FGD5: variants seen among roughly 807,000 people sequenced by gnomAD.
FGD5 encodes the protein FYVE, RhoGEF and PH domain containing 5, also known as FYVE, RhoGEF and PH domain-containing protein 5.
FGD5 carries 28 observed loss-of-function variants against 133.4 expected under a neutral mutation model. The observed-to-expected ratio is 0.21, with a 90% CI of 0.16 to 0.29. FGD5 has a LOEUF of 0.29. FGD5 is among the 10% of genes least tolerant of loss of function. The pLI is 1.00. For synonymous variants in FGD5, 810 were observed against 776.5 expected (o/e 1.04, Z -0.72); for missense variants, 1,858 against 1,895.2 (o/e 0.98, Z 0.36).
intron 1 of FGD5, among the ~76,000 whole-genome samples, chr3:14,822,113 A>C (rs1010845374): frequency 6.6e-6 from 1 of 152,154 alleles, no homozygotes; most frequent in Non-Finnish European, 1.5e-5. Flanking sequence ...AAATAAAAAA[A>C]AAAGAAAAGA....
At chr3:14,908,926 A>G (rs1430032670) in intron 10 of FGD5, among the ~76,000 whole-genome samples, 2 of 120,084 alleles carry the variant, frequency 1.7e-5, no homozygotes, top group African/African-American at 5.7e-5. Context: ...AAGGGAATTT[A>G]TTTATTTATT....
intron 1 of FGD5, among the ~76,000 whole-genome samples, chr3:14,841,762 C>T (rs2036925948): frequency 6.6e-6 from 1 of 152,030 alleles, no homozygotes; most frequent in South Asian, 2.1e-4. Flanking sequence ...GTGGGGGGTT[C>T]CTGCCCCCAG....
chr3:14,826,376 T>G (rs1318963981), intron 1 of FGD5, among the ~76,000 whole-genome samples: 1 of 152,148 alleles, frequency 6.6e-6, no homozygotes, highest in Non-Finnish European at 1.5e-5. Flanking sequence ...ACATTTATGG[T>G]AGCTTTTTCT....
chr3:14,810,887 G>A (rs1330638965), intron 1 of FGD5: 2 of 985,070 alleles, frequency 2.0e-6, no homozygotes, highest in Non-Finnish European at 2.4e-6. Context: ...GGCGACCTCC[G>A]GCGCCGAGGC....
At chr3:14,916,139 CA>C (rs1226292629) in intron 11 of FGD5, among the ~76,000 whole-genome samples, 11 of 152,234 alleles carry the variant, frequency 7.2e-5, no homozygotes, top group African/African-American at 2.7e-4. Flanking sequence ...GGGCTCACCC[CA>C]GGTTAATGTT....
At chr3:14,814,697 A>G (rs974402903), upstream of FGD5, among the ~76,000 whole-genome samples, 2 of 152,164 alleles carry the variant, frequency 1.3e-5, no homozygotes, top group South Asian at 2.1e-4. Flanking sequence ...TTCAGAAGCC[A>G]GAGCCTGCTT....
chr3:14,905,157 G>A (rs2038315259), intron 9 of FGD5, among the ~76,000 whole-genome samples: 1 of 151,954 alleles, frequency 6.6e-6, no homozygotes, highest in African/African-American at 2.4e-5. Flanking sequence ...ATTTTTCCTG[G>A]GTGTAGAAAC....
At chr3:14,889,390 T>C (rs1208294652) in intron 4 of FGD5, among the ~76,000 whole-genome samples, 2 of 152,226 alleles carry the variant, frequency 1.3e-5, no homozygotes, top group Non-Finnish European at 2.9e-5. Flanking sequence ...CTCAACAGTC[T>C]GTGAGATTTA....
At chr3:14,833,666 G>A (rs2036760978) in intron 1 of FGD5, among the ~76,000 whole-genome samples, 1 of 152,132 alleles carries the variant, frequency 6.6e-6, no homozygotes, top group Admixed American at 6.5e-5. Flanking sequence ...TCCCTGAAGG[G>A]TTTCCAGACC....
intron 4 of FGD5, chr3:14,896,828 A>G (rs1438547069): frequency 6.6e-6 from 1 of 152,296 alleles, no homozygotes; most frequent in East Asian, 1.9e-4. Context: ...TACATTAATC[A>G]TGATAGATTT....
intron 18 of FGD5, among the ~76,000 whole-genome samples, chr3:14,928,728 G>A (rs930358487): frequency 1.2e-4 from 19 of 152,148 alleles, no homozygotes; most frequent in African/African-American, 4.1e-4. Flanking sequence ...CTGGGCAACA[G>A]AGCAAGACTG....
chr3:14,870,662 C>T (rs1656441), intron 2 of FGD5, among the ~76,000 whole-genome samples: 21,888 of 152,178 alleles, frequency 0.14, 1,907 homozygotes, highest in East Asian at 0.39. Flanking sequence ...GCCGGCAGCC[C>T]GTTCCAGCCA....
chr3:14,844,948 C>A (rs779605975), intron 1 of FGD5, among the ~76,000 whole-genome samples: 1 of 152,158 alleles, frequency 6.6e-6, no homozygotes, highest in Non-Finnish European at 1.5e-5. Flanking sequence ...GTCCCGTTAC[C>A]TTCTAAGGTG....
At chr3:14,858,547 A>G (rs1463296741) in intron 1 of FGD5, among the ~76,000 whole-genome samples, 2 of 152,196 alleles carry the variant, frequency 1.3e-5, no homozygotes, top group African/African-American at 4.8e-5. Flanking sequence ...TTTTTACTAG[A>G]GAGACTATAG....
At chr3:14,923,933 C>T in intron 16 of FGD5, 75 bp from the exon 17 acceptor site, 1 of 1,564,510 alleles carries the variant, frequency 6.4e-7, no homozygotes, top group East Asian at 2.3e-5. Context: ...AGGGATTTTA[C>T]AGGAATCAGT....
chr3:14,867,023 C>T (rs1173159383), intron 2 of FGD5, among the ~76,000 whole-genome samples: 1 of 152,130 alleles, frequency 6.6e-6, no homozygotes, highest in Non-Finnish European at 1.5e-5. Context: ...ACATCCGTGC[C>T]CTCCTCCCCC....
intron 6 of FGD5, among the ~76,000 whole-genome samples, chr3:14,898,449 A>G (rs1237307700): frequency 6.6e-6 from 1 of 152,148 alleles, no homozygotes; most frequent in Non-Finnish European, 1.5e-5. Context: ...CTGGGCAGAA[A>G]AAGGGGGAGC....
At chr3:14,875,582 C>G (rs2037701985) in intron 2 of FGD5, among the ~76,000 whole-genome samples, 1 of 152,122 alleles carries the variant, frequency 6.6e-6, no homozygotes, top group East Asian at 1.9e-4. Flanking sequence ...TCTGTAAGCG[C>G]TGGGAGCCTC....
At position 14,820,735 on chromosome 3, in the gene FGD5, G is replaced by A; in HGVS notation, c.1664G>A (p.Gly555Asp). 1 of 1,608,274 alleles carries A rather than the reference G, an allele frequency of 6.2e-7. No homozygotes were observed. ...TLYPRSFSVE[G>D]REIPVSVYQE... ...TACCCTCGGTCGTTCTCCGTGGAAG[G>A]CCGAGAGATTCCAGTGTCCGTGTAC... Residue 555 changes from glycine to aspartate, a missense_variant, in exon 1 of 20, where the codon GGC (glycine) becomes GAC (aspartate). Physicochemically the swap from Gly to Asp is moderately conservative, Grantham distance 94 (BLOSUM62 -1). Transcript: ENST00000285046.
Sources: allele counts gnomAD v4.1 joint callset (sites outside exome capture counted in the v4.1 genomes callset), GRCh38; gene constraint gnomAD v4.1.1; transcripts MANE v1.5; gene names NCBI Gene and HGNC (gene_info 2026-07-23, HGNC 2026-07-21).